ZC3H11A: variants seen among roughly 807,000 people sequenced by gnomAD.
The protein encoded by ZC3H11A is zinc finger CCCH-type containing 11A, also known as zinc finger CCCH domain-containing protein 11A.
Under a neutral mutation model 90.8 loss-of-function variants are expected in ZC3H11A, and 22 were observed. The ratio of observed to expected loss-of-function variants is 0.24; its 90% CI spans 0.17 to 0.35. ZC3H11A has a LOEUF of 0.35. Among genes scored for constraint, ZC3H11A ranks in the 10% least tolerant of loss-of-function variants. ZC3H11A has a pLI of 1.00. For synonymous variants in ZC3H11A, 294 were observed against 339.8 expected, an observed-to-expected ratio of 0.87 and a Z score of 1.48; for missense variants, 701 against 964.9, an observed-to-expected ratio of 0.73 and a Z score of 3.62.
At chr1:203,851,261 T>C in intron 17 of ZC3H11A, 137 bp downstream of exon 17, 1 of 787,084 alleles carries the variant, frequency 1.3e-6, no homozygotes, top group East Asian at 2.7e-5. Flanking sequence ...CAAGAAAGTA[T>C]GAAAATCTAG....
rs1683326655 is a variant in ZC3H11A, at chr1:203,833,886, C to T, written c.874+33C>T. The stretch of plus-strand genomic sequence containing the variant: ...AAGTTTTGTGTATATCTTTTCTTTT[C>T]TACTTGTTTGTGCATTAACATGATA... On this transcript the variant is annotated intron_variant, in intron 10 of 17. Coordinates refer to ENST00000367210, the MANE Select transcript of ZC3H11A (RefSeq NM_001376342.1). 2.5e-6 allele frequency: 4 copies of T among 1,588,562 alleles called. No individual in the cohort carries two copies. In the South Asian group the frequency reaches 4.6e-5, roughly 18 times the overall value.
chr1:203,828,964 T>G (rs1045453431), intron 5 of ZC3H11A, among the ~76,000 whole-genome samples: 3 of 152,238 alleles, frequency 2.0e-5, no homozygotes, highest in African/African-American at 7.2e-5. Context: ...AAGTTCATTT[T>G]AAAGTAATTT....
intron 4 of ZC3H11A, among the ~76,000 whole-genome samples, chr1:203,824,709 A>G (rs946163980): frequency 6.6e-6 from 1 of 152,162 alleles, no homozygotes; most frequent in Non-Finnish European, 1.5e-5. Flanking sequence ...GCTGCTTAAA[A>G]TGGCTCCTAG....
At chr1:203,798,225 TCAG>T (rs778888703) in intron 1 of ZC3H11A, 1 of 1,536,138 alleles carries the variant, frequency 6.5e-7, no homozygotes, top group South Asian at 1.2e-5. Context: ...GCATGATAAA[TCAG>T]CATCTGATGC....
intron 12 of ZC3H11A, among the ~76,000 whole-genome samples, chr1:203,841,297 C>T (rs887352032): frequency 3.3e-5 from 5 of 152,020 alleles, no homozygotes; most frequent in Non-Finnish European, 5.9e-5. Context: ...ACAGAGGACC[C>T]TGCGGCCTTC....
intron 17 of ZC3H11A, among the ~76,000 whole-genome samples, 166 bp from the exon 18 acceptor site, chr1:203,851,968 CAAAAAAA>C (rs57160781): frequency 2.2e-5 from 1 of 45,842 alleles, no homozygotes; most frequent in African/African-American, 1.0e-4. Context: ...GACTCTGCCT[CAAAAAAA>C]AAAAAAAAAA....
intron 1 of ZC3H11A, chr1:203,798,032 T>C: frequency 3.3e-6 from 5 of 1,534,486 alleles, no homozygotes; most frequent in Non-Finnish European, 4.4e-6. Flanking sequence ...TTGGTACATC[T>C]ACTCTTCAAC....
chr1:203,797,373 C>A, intron 1 of ZC3H11A: 1 of 690,638 alleles, frequency 1.4e-6, no homozygotes, highest in Non-Finnish European at 2.2e-6. Flanking sequence ...CCAAAAATAA[C>A]CTGGCTTGGA....
intron 2 of ZC3H11A, among the ~76,000 whole-genome samples, chr1:203,805,091 G>A (rs1671838753): frequency 6.6e-6 from 1 of 151,314 alleles, no homozygotes; most frequent in Admixed American, 6.6e-5. Context: ...ATTTCAAGAT[G>A]TAGTATTAAG....
intron 12 of ZC3H11A, 41 bp from the exon 13 acceptor site, chr1:203,847,143 A>C (rs753093790): frequency 4.4e-6 from 7 of 1,602,844 alleles, no homozygotes; most frequent in Non-Finnish European, 6.0e-6. Context: ...GTAAGAGATG[A>C]ACTTCAAGTA....
intron 12 of ZC3H11A, among the ~76,000 whole-genome samples, chr1:203,842,625 CTTT>C (rs575844553): frequency 1.6e-3 from 209 of 128,312 alleles, no homozygotes; most frequent in African/African-American, 5.5e-3. Flanking sequence ...GAGGGGGAAT[CTTT>C]TTTTTTTTTT....
intron 4 of ZC3H11A, among the ~76,000 whole-genome samples, chr1:203,827,650 C>T (rs1047339451): frequency 4.0e-5 from 6 of 151,092 alleles, no homozygotes; most frequent in African/African-American, 7.3e-5. Flanking sequence ...CCACTGCACT[C>T]CAGCCTGGGT....
chr1:203,831,859 T>A, intron 9 of ZC3H11A, 88 bp downstream of exon 9: 1 of 1,116,366 alleles, frequency 9.0e-7, no homozygotes. Context: ...TTACCTTTGA[T>A]GAATTTTCAG....
At position 203,849,863 on chromosome 1, in the gene ZC3H11A, G is replaced by T; in HGVS notation, c.1776G>T (p.Val592=). The T allele has an allele frequency of 6.2e-7, 1 of 1,614,004 alleles. No homozygotes were observed. Residue 592 remains valine (V), a synonymous_variant, in exon 15 of 18, where the codon GTG becomes GTT. Coordinates refer to ENST00000367210, the MANE Select transcript of ZC3H11A (RefSeq NM_001376342.1). The stretch of plus-strand genomic sequence containing the variant: ...ATGTAGCCTCTTGCAATACCCAAGT[G>T]GCAGAGAAACCAGTGCTCACTGCTG... ...RGDVASCNTQ[V]AEKPVLTAVP...
intron 2 of ZC3H11A, among the ~76,000 whole-genome samples, chr1:203,815,279 A>G (rs1218493471): frequency 2.4e-5 from 3 of 125,378 alleles, no homozygotes; most frequent in East Asian, 2.6e-4. Context: ...CAGTGGCGCA[A>G]TGTCAGCTCA....
chr1:203,837,964 A>T lies in ZC3H11A; in HGVS notation c.875-2A>T. 6.2e-7 allele frequency: 1 copy of T among 1,607,668 alleles called. No individual in the cohort carries two copies. On this transcript the variant is annotated splice_acceptor_variant, in intron 10 of 17. Transcript: ENST00000367210. LOFTEE classifies it high-confidence loss of function. ...CTTAAACTAAGTTCTCCCTCTTTAT[A>T]GGCGGTGACAGTGATCCTCCATTAA...
chr1:203,828,107 C>A (rs760301314), intron 4 of ZC3H11A, among the ~76,000 whole-genome samples, 192 bp from the exon 5 acceptor site: 40 of 152,182 alleles, frequency 2.6e-4, no homozygotes, highest in Non-Finnish European at 5.4e-4. Context: ...AAACTACTCT[C>A]CTGCTCCATT....
At chr1:203,830,551 G>A (rs374943309) in intron 8 of ZC3H11A, among the ~76,000 whole-genome samples, 66 of 152,256 alleles carry the variant, frequency 4.3e-4, no homozygotes, top group African/African-American at 1.5e-3. Context: ...GGTGGCTCAC[G>A]CCTGTAATCC....
At chr1:203,843,839 T>C (rs1412582007) in intron 12 of ZC3H11A, among the ~76,000 whole-genome samples, 2 of 152,186 alleles carry the variant, frequency 1.3e-5, no homozygotes, top group Non-Finnish European at 2.9e-5. Context: ...TATTTTTTTT[T>C]CTTTATTCTC....
Sources: allele counts gnomAD v4.1 joint callset (sites outside exome capture counted in the v4.1 genomes callset), GRCh38; gene constraint gnomAD v4.1.1; transcripts MANE v1.5; gene names NCBI Gene and HGNC (gene_info 2026-07-23, HGNC 2026-07-21).